The following NFIB variants were observed in gnomAD, a reference collection of about 807,000 sequenced individuals.
NFIB encodes the protein nuclear factor I B.
NFIB carries 11 observed loss-of-function variants against 61.5 expected under a neutral mutation model. The observed-to-expected ratio is 0.18, with a 90% CI of 0.11 to 0.30. The LOEUF is 0.30. Among genes scored for constraint, NFIB ranks in the 10% least tolerant of loss-of-function variants. The pLI, the probability that NFIB is intolerant of heterozygous loss-of-function variation, is 1.00. For synonymous variants in NFIB, 260 were observed against 216.5 expected (o/e 1.20, Z -1.76); for missense variants, 471 against 608.9 (o/e 0.77, Z 2.38).
the NFIB span, among the ~76,000 whole-genome samples, chr9:14,484,584 G>C: frequency 2.0e-5 from 3 of 152,110 alleles, no homozygotes; most frequent in African/African-American, 7.2e-5. Flanking sequence ...ACAAACATAG[G>C]TATGTGTGAA....
chr9:14,192,935 T>C lies in NFIB; in HGVS notation c.563-13155A>G, dbSNP rs534313102. ...CATATCTGTCACTCTAAAATACGTG[T>C]CAGGTAATAGAATTAAGCAGTATTA... On this transcript the variant is annotated intron_variant, in intron 2 of 10. Coordinates refer to ENST00000380953, the MANE Select transcript of NFIB (RefSeq NM_001190737.2). 3.3e-5 allele frequency among the ~76,000 whole-genome samples: 5 copies of C among 152,178 alleles called. No individual in the cohort carries two copies. The East Asian group carries it at 9.7e-4, about 29-fold the overall frequency.
At chr9:14,155,735 G>C (rs2043319708) in intron 4 of NFIB, 90 bp downstream of exon 4, 2 of 630,772 alleles carry the variant, frequency 3.2e-6, no homozygotes, top group South Asian at 5.9e-5. Context: ...CCTAATATGT[G>C]GTCACTCTTT....
At chr9:14,529,290 G>C in the NFIB span, among the ~76,000 whole-genome samples, 1 of 152,126 alleles carries the variant, frequency 6.6e-6, no homozygotes, top group Non-Finnish European at 1.5e-5. Flanking sequence ...AACTGAAACA[G>C]ACAATAAGTC....
chr9:14,221,938 C>A (rs1190688957), intron 2 of NFIB, among the ~76,000 whole-genome samples: 1 of 152,142 alleles, frequency 6.6e-6, no homozygotes, highest in Non-Finnish European at 1.5e-5. Context: ...AAAAAGGCTG[C>A]CCTGTTTAAG....
intron 2 of NFIB, among the ~76,000 whole-genome samples, chr9:14,184,613 A>G (rs868316912): frequency 1.3e-5 from 2 of 152,206 alleles, no homozygotes; most frequent in Admixed American, 6.6e-5. Context: ...TAGCCTGTAA[A>G]GTATTTCTTA....
chr9:14,204,718 A>G (rs1350642161), intron 2 of NFIB: 11 of 598,848 alleles, frequency 1.8e-5, no homozygotes, highest in Non-Finnish European at 3.0e-5. Context: ...TGGTGATTGC[A>G]TACAACATGG....
At chr9:14,159,400 A>T (rs1291166255) in intron 3 of NFIB, among the ~76,000 whole-genome samples, 1 of 152,174 alleles carries the variant, frequency 6.6e-6, no homozygotes, top group Non-Finnish European at 1.5e-5. Context: ...CAGAGGTCCC[A>T]CTGGGCTCTA....
chr9:14,392,409 T>C (rs1051320311), intron 1 of NFIB, among the ~76,000 whole-genome samples: 5 of 152,222 alleles, frequency 3.3e-5, no homozygotes, highest in African/African-American at 1.2e-4. Context: ...ACAACTTTTG[T>C]ATAAGTCTAA....
At chr9:14,433,899 T>G in the NFIB span, among the ~76,000 whole-genome samples, 1 of 152,198 alleles carries the variant, frequency 6.6e-6, no homozygotes. Flanking sequence ...TAATACAGCT[T>G]GGGATCAGCC....
chr9:14,147,650 T>TC (rs958548395), intron 5 of NFIB, among the ~76,000 whole-genome samples: 1 of 146,226 alleles, frequency 6.8e-6, no homozygotes, highest in African/African-American at 2.5e-5. Context: ...TTTTTTTTTT[T>TC]TTTTTTTGAG....
chr9:14,129,380 C>T (rs542177599), intron 6 of NFIB, among the ~76,000 whole-genome samples: 25 of 148,104 alleles, frequency 1.7e-4, no homozygotes, highest in African/African-American at 5.9e-4. Context: ...AAAAGTGAAT[C>T]CCCGCTCAAA....
chr9:14,232,188 GA>G (rs1283739909), intron 2 of NFIB, among the ~76,000 whole-genome samples: 1 of 152,126 alleles, frequency 6.6e-6, no homozygotes, highest in African/African-American at 2.4e-5. Flanking sequence ...ATGTTAGGAA[GA>G]AAAAAACGTA....
chr9:14,201,083 C>T (rs1369497930), intron 2 of NFIB, among the ~76,000 whole-genome samples: 1 of 152,176 alleles, frequency 6.6e-6, no homozygotes, highest in African/African-American at 2.4e-5. Context: ...ATCTCCATCC[C>T]AACTGGTGCT....
At chr9:14,275,130 T>C (rs1048850135) in intron 2 of NFIB, among the ~76,000 whole-genome samples, 1 of 152,182 alleles carries the variant, frequency 6.6e-6, no homozygotes, top group Non-Finnish European at 1.5e-5. Context: ...CGGGCTTCAG[T>C]TGGCAATGGC....
At chr9:14,526,712 A>G in the NFIB span, among the ~76,000 whole-genome samples, 1 of 152,346 alleles carries the variant, frequency 6.6e-6, no homozygotes, top group Non-Finnish European at 1.5e-5. Flanking sequence ...AGTGATTGAC[A>G]TCATTCAGCC....
chr9:14,376,032 AT>A (rs1457430527), intron 1 of NFIB, among the ~76,000 whole-genome samples: 1 of 152,192 alleles, frequency 6.6e-6, no homozygotes, highest in Non-Finnish European at 1.5e-5. Context: ...TTGTTTCTTC[AT>A]TTGAGTAGTT....
chr9:14,281,748 G>T (rs2058382070), intron 2 of NFIB, among the ~76,000 whole-genome samples: 2 of 151,998 alleles, frequency 1.3e-5, no homozygotes. Flanking sequence ...CATGCTCCAG[G>T]GCATGTCAGG....
chr9:14,277,986 C>T (rs927746786), intron 2 of NFIB, among the ~76,000 whole-genome samples: 44 of 152,168 alleles, frequency 2.9e-4, no homozygotes, highest in African/African-American at 9.7e-4. Context: ...GTGATGATCT[C>T]TGGGGGAAGC....
At chr9:14,315,603 C>G (rs1012192857), upstream of NFIB, among the ~76,000 whole-genome samples, 1 of 146,174 alleles carries the variant, frequency 6.8e-6, no homozygotes, top group Non-Finnish European at 1.5e-5. Flanking sequence ...GGCCCTGAGC[C>G]GCTCGGCGCC....
Sources: allele counts gnomAD v4.1 joint callset (sites outside exome capture counted in the v4.1 genomes callset), GRCh38; gene constraint gnomAD v4.1.1; transcripts MANE v1.5; gene names NCBI Gene and HGNC (gene_info 2026-07-23, HGNC 2026-07-21).